SLC6A5: variants seen among roughly 807,000 people sequenced by gnomAD.
SLC6A5 encodes solute carrier family 6 member 5, also known as sodium- and chloride-dependent glycine transporter 2.
SLC6A5 carries 58 observed loss-of-function variants against 90.5 expected under a neutral mutation model. The observed-to-expected ratio is 0.64, with a 90% confidence interval of 0.52 to 0.80. The LOEUF is 0.80. Among genes scored for constraint, SLC6A5 ranks in the 30% least tolerant of loss-of-function variants. SLC6A5 has a pLI of 0.00. For synonymous variants in SLC6A5, 427 were observed against 401.4 expected (o/e 1.06, Z -0.76); for missense variants, 1,015 against 1,017.6 (o/e 1.00, Z 0.03).
chr11:20,632,055 C>G (rs944386639), intron 10 of SLC6A5, among the ~76,000 whole-genome samples: 1 of 152,064 alleles, frequency 6.6e-6, no homozygotes, highest in Non-Finnish European at 1.5e-5. Context: ...TAGAGGGGCC[C>G]CAGGAGATAA....
Position 20,601,139 on chromosome 11 carries a change from C to T in SLC6A5, c.14C>T (p.Ala5Val). 6.3e-7 allele frequency: 1 copy of T among 1,590,860 alleles called. No homozygotes were observed. Among genetic ancestry groups the T allele is most frequent in the Non-Finnish European group, 8.5e-7 (1 of 1,176,234 alleles). Residue 5 changes from alanine (A) to valine (V), a missense_variant, in exon 2 of 16, where the codon GCT becomes GTT. Transcript: ENST00000525748. ...ACATTGTGTTTGCAGGATTGCAGTG[C>T]TCCCAAGGAAATGAATAAACTGCCA... Reference protein sequence around the residue: MDCSAPKEMNKLPAN... With the variant: MDCSVPKEMNKLPAN...
In SLC6A5 at chr11:20,599,615, A is replaced by T. The variant is rs1476095610; in HGVS notation, c.-58A>T. 13 of 1,610,390 alleles carry T rather than the reference A, an allele frequency of 8.1e-6. No homozygotes were observed. Among genetic ancestry groups the T allele is most frequent in the Non-Finnish European group, 1.1e-5 (13 of 1,176,602 alleles). On this transcript the variant is annotated 5_prime_UTR_variant, in exon 1 of 16. Transcript: ENST00000525748. ...CGCCTCTCCTGCCTGAGCCAAACCC[A>T]GTCTTGTCAATAGCGGGTTTCACCC... is the stretch of plus-strand genomic sequence containing the variant.
intron 3 of SLC6A5, among the ~76,000 whole-genome samples, chr11:20,605,843 G>T (rs1290970164): frequency 6.6e-6 from 1 of 152,236 alleles, no homozygotes; most frequent in Non-Finnish European, 1.5e-5. Context: ...GAGCAGAGGA[G>T]GACTGCACAA....
chr11:20,632,579 G>A (rs965798610), intron 10 of SLC6A5, among the ~76,000 whole-genome samples: 3 of 152,092 alleles, frequency 2.0e-5, no homozygotes, highest in African/African-American at 7.2e-5. Context: ...GGGACGGGTG[G>A]GCCTCATCTC....
In SLC6A5 at chr11:20,633,625, C is replaced by T. The variant is rs1303565345; in HGVS notation, c.1625-2682C>T. Among the ~76,000 whole-genome samples the T allele has an allele frequency of 1.7e-4, 26 of 152,198 alleles. 1 individual carries two copies. Among genetic ancestry groups the T allele is most frequent in the Admixed American group, 1.7e-3 (26 of 15,282 alleles). ...ATCTCTGGGGACTCTGCTCAAGTTACTGAAATGAAGAGCCCCTTTGATCCC... is the reference window on the plus strand; with the variant it reads ...ATCTCTGGGGACTCTGCTCAAGTTATTGAAATGAAGAGCCCCTTTGATCCC... On this transcript the variant is annotated intron_variant, in intron 10 of 15. Coordinates refer to ENST00000525748, the MANE Select transcript of SLC6A5 (RefSeq NM_004211.5).
rs774263994 is a variant in SLC6A5, at chr11:20,628,104, A to T, written c.1499+21A>T. 6 of 1,566,972 alleles carry T rather than the reference A, an allele frequency of 3.8e-6. No individual in the cohort carries two copies. The South Asian group carries it at 4.4e-5, about 12-fold the overall frequency. On this transcript the variant is annotated intron_variant, in intron 9 of 15. Coordinates refer to ENST00000525748, the MANE Select transcript of SLC6A5 (RefSeq NM_004211.5). ...TACAGGTATGTAGAGGTACTACAAGATCTGGGCATAGCTGGTGAGTGGGAC... is the reference window on the plus strand; with the variant it reads ...TACAGGTATGTAGAGGTACTACAAGTTCTGGGCATAGCTGGTGAGTGGGAC...
chr11:20,612,502 C>G (rs79871180), intron 5 of SLC6A5, among the ~76,000 whole-genome samples: 1 of 152,168 alleles, frequency 6.6e-6, no homozygotes, highest in Non-Finnish European at 1.5e-5. Context: ...TGCACCAGAT[C>G]AAGCCTGCTT....
At chr11:20,608,026 G>A (rs1169777966) in intron 5 of SLC6A5, among the ~76,000 whole-genome samples, 1 of 152,216 alleles carries the variant, frequency 6.6e-6, no homozygotes, top group Non-Finnish European at 1.5e-5. Context: ...CCTGGATGGT[G>A]GTTAGAAGCC....
At chr11:20,610,701 C>T (rs79404633) in intron 5 of SLC6A5, among the ~76,000 whole-genome samples, 6,111 of 152,214 alleles carry the variant, frequency 0.04, 428 homozygotes, top group African/African-American at 0.14. Flanking sequence ...TCCTGAAACT[C>T]TGTTATTTGA....
chr11:20,626,619 G>C (rs1314852243), intron 7 of SLC6A5, 89 bp from the exon 8 acceptor site: 5 of 1,419,152 alleles, frequency 3.5e-6, no homozygotes, highest in Non-Finnish European at 5.0e-6. Context: ...GTCATGCGCA[G>C]CCCCACTCTT....
chr11:20,606,980 G>T (rs1852593664), intron 3 of SLC6A5, 27 bp from the exon 4 acceptor site: 4 of 1,613,840 alleles, frequency 2.5e-6, no homozygotes, highest in South Asian at 1.1e-5. Flanking sequence ...GCCTCCTAGG[G>T]CTCTCACTCC....
rs1315644547 is a variant in SLC6A5, at chr11:20,601,501, C to A, written c.376C>A (p.Arg126=). Residue 126 remains arginine, a synonymous_variant, in exon 2 of 16, where the codon CGA becomes AGA. Transcript: ENST00000525748. ...GCTGCACTGTAAGATCCCTTTTCTG[C>A]GAGGCCCGGAGGGGGATGCGAACGT... ...NALHCKIPFL[R]GPEGDANVSV... is the part of the protein sequence containing the mutation. 6.2e-7 allele frequency: 1 copy of A among 1,613,732 alleles called. No homozygotes were observed. The highest frequency in any genetic ancestry group is 1.1e-5 in the South Asian group (1 of 91,030).
chr11:20,626,779 T>C lies in SLC6A5; in HGVS notation c.1332T>C (p.Pro444=). The change falls in exon 8 of 16, where the codon CCT becomes CCC. Residue 444 remains proline, a synonymous_variant. Transcript: ENST00000525748. ...TCCTCATCCGAGGAGTCACCCTGCC[T>C]GGAGCTGGAGCTGGGATCTGGTACT... is the stretch of plus-strand genomic sequence containing the variant. The part of the protein sequence containing the change: ...VILLIRGVTL[P]GAGAGIWYFI... 3 of 1,613,948 alleles carry C rather than the reference T, an allele frequency of 1.9e-6. No individual in the cohort carries two copies. The highest frequency in any genetic ancestry group is 2.5e-6 in the Non-Finnish European group (3 of 1,179,828).
chr11:20,652,406 C>A lies in SLC6A5; in HGVS notation c.2188C>A (p.Pro730Thr). ...LMLACSVIWI[P>T]IMFVIKMHLA... is the part of the protein sequence containing the mutation. ...GCTCGCCTGTTCCGTCATCTGGATCCCAATTATGTTTGTGATAAAAATGCA... is the reference window on the plus strand; with the variant it reads ...GCTCGCCTGTTCCGTCATCTGGATCACAATTATGTTTGTGATAAAAATGCA... Residue 730 changes from proline (P) to threonine (T), a missense_variant, in exon 15 of 16, where the codon CCA (proline) becomes ACA (threonine). By Grantham distance (38) the Pro-to-Thr change is conservative. Around this residue, in one of 3 missense-constraint regions of SLC6A5, gnomAD observed 442 missense variants for 494.3 expected, o/e 0.89. Transcript: ENST00000525748. The A allele has an allele frequency of 6.2e-7, 1 of 1,614,024 alleles. No homozygotes were observed. Among genetic ancestry groups the A allele is most frequent in the Non-Finnish European group, 8.5e-7 (1 of 1,179,970 alleles).
intron 14 of SLC6A5, among the ~76,000 whole-genome samples, chr11:20,651,706 G>T (rs1456073415): frequency 2.0e-5 from 3 of 151,916 alleles, no homozygotes; most frequent in Non-Finnish European, 4.4e-5. Flanking sequence ...TCAGGAGTTT[G>T]AGATCAGCCT....
At chr11:20,653,578 TG>T (rs2133826349) in intron 15 of SLC6A5, among the ~76,000 whole-genome samples, 1 of 152,170 alleles carries the variant, frequency 6.6e-6, no homozygotes, top group Non-Finnish European at 1.5e-5. Context: ...GTCCACTGGG[TG>T]GGGAGGTAGC....
At chr11:20,618,980 A>ACACACACACACACACACAC in intron 7 of SLC6A5, among the ~76,000 whole-genome samples, 1 of 146,564 alleles carries the variant, frequency 6.8e-6, no homozygotes, top group Non-Finnish European at 1.5e-5. Flanking sequence ...ACACACACAC[A>ACACACACACACACACACAC]AAGAAAAACC....
At position 20,638,538 on chromosome 11, in the gene SLC6A5, T is replaced by C; in HGVS notation, c.1949T>C (p.Val650Ala). The part of the protein sequence containing the change: ...ALVIIAIFEL[V>A]GISYVYGLQR... ...GTCATCATTGCCATTTTTGAGCTCGTGGGGATCTCTTATGTGTATGGTAAG... is the reference window on the plus strand; with the variant it reads ...GTCATCATTGCCATTTTTGAGCTCGCGGGGATCTCTTATGTGTATGGTAAG... The change falls in exon 13 of 16, where the codon GTG becomes GCG. Residue 650 changes from valine to alanine, a missense_variant. Val to Ala is a moderately conservative substitution (Grantham distance 64). Coordinates refer to ENST00000525748, the MANE Select transcript of SLC6A5 (RefSeq NM_004211.5). The C allele has an allele frequency of 6.2e-7, 1 of 1,608,390 alleles. No homozygotes were observed. Among genetic ancestry groups the C allele is most frequent in the Non-Finnish European group, 8.5e-7 (1 of 1,174,846 alleles).
intron 6 of SLC6A5, among the ~76,000 whole-genome samples, chr11:20,616,104 T>C (rs1006695997): frequency 6.6e-6 from 1 of 152,186 alleles, no homozygotes; most frequent in Non-Finnish European, 1.5e-5. Context: ...TGACGACAAA[T>C]GATTGCTAAT....
Sources: gnomAD v4.1 joint callset for allele counts (sites outside exome capture counted in the v4.1 genomes callset) on GRCh38, gnomAD v4.1.1 for gene constraint, gnomAD v4.1.1 regional missense constraint, MANE v1.5 for transcripts, NCBI Gene and HGNC (gene_info 2026-07-23, HGNC 2026-07-21) for gene names.